GPC6: variants seen among roughly 807,000 people sequenced by gnomAD.
The protein encoded by GPC6 is glypican-6.
GPC6 carries 14 observed loss-of-function variants against 55.2 expected under a neutral mutation model. That is an observed-to-expected ratio of 0.25 (90% CI 0.17 to 0.40). GPC6 has a LOEUF of 0.40. Ranked by LOEUF, GPC6 falls within the 10% of genes least tolerant of loss-of-function variation. The pLI, the probability that GPC6 is intolerant of heterozygous loss-of-function variation, is 1.00. For synonymous variants in GPC6, 278 were observed against 259.6 expected (o/e 1.07, Z -0.68); for missense variants, 641 against 708.5 (o/e 0.90, Z 1.08).
intron 1 of GPC6, among the ~76,000 whole-genome samples, chr13:93,277,202 C>G (rs138195378): frequency 6.6e-6 from 1 of 152,236 alleles, no homozygotes; most frequent in Admixed American, 6.5e-5. Flanking sequence ...AAGGAATTTA[C>G]GAACACACCA....
intron 6 of GPC6, among the ~76,000 whole-genome samples, chr13:94,369,343 C>A (rs1051566621): frequency 6.6e-6 from 1 of 152,066 alleles, no homozygotes; most frequent in African/African-American, 2.4e-5. Context: ...CAGGAAAGAT[C>A]CAGAGGAAAT....
At chr13:93,940,107 T>G (rs2140362133) in intron 3 of GPC6, among the ~76,000 whole-genome samples, 1 of 152,328 alleles carries the variant, frequency 6.6e-6, no homozygotes, top group Non-Finnish European at 1.5e-5. Flanking sequence ...GAACCTTATT[T>G]TCTACCTTGC....
chr13:93,328,652 G>A (rs904200194), intron 1 of GPC6, among the ~76,000 whole-genome samples: 1 of 151,306 alleles, frequency 6.6e-6, no homozygotes, highest in African/African-American at 2.4e-5. Flanking sequence ...TCCAGCCTGG[G>A]TGAAACAGCA....
chr13:94,341,708 A>G (rs773374076), intron 6 of GPC6, among the ~76,000 whole-genome samples: 3 of 152,206 alleles, frequency 2.0e-5, no homozygotes, highest in Non-Finnish European at 2.9e-5. Flanking sequence ...TTAAAATTCA[A>G]AGGAAAATAT....
At chr13:94,060,809 A>C (rs1019327265) in intron 4 of GPC6, among the ~76,000 whole-genome samples, 2 of 152,190 alleles carry the variant, frequency 1.3e-5, no homozygotes, top group Non-Finnish European at 2.9e-5. Context: ...GGAGTGCATT[A>C]ATACCATACA....
At chr13:93,345,206 G>T (rs1456314151) in intron 1 of GPC6, among the ~76,000 whole-genome samples, 1 of 151,938 alleles carries the variant, frequency 6.6e-6, no homozygotes, top group Non-Finnish European at 1.5e-5. Flanking sequence ...TCTTCTACTT[G>T]TGTGACTTTA....
chr13:93,694,304 G>T (rs752893990), intron 2 of GPC6, among the ~76,000 whole-genome samples: 5 of 152,148 alleles, frequency 3.3e-5, no homozygotes, highest in Non-Finnish European at 7.4e-5. Flanking sequence ...TGCCTTCATA[G>T]ATTTGCTTGA....
chr13:94,361,110 AAC>A (rs1193258651), intron 6 of GPC6, among the ~76,000 whole-genome samples: 9 of 152,238 alleles, frequency 5.9e-5, no homozygotes, highest in Non-Finnish European at 7.3e-5. Context: ...GCTACCTTTC[AAC>A]ATTTTTTACA....
At chr13:93,232,259 T>C (rs1460085609) in intron 1 of GPC6, among the ~76,000 whole-genome samples, 2 of 152,194 alleles carry the variant, frequency 1.3e-5, no homozygotes, top group Non-Finnish European at 2.9e-5. Flanking sequence ...TCTTATTTCT[T>C]TGCCCCCTGT....
At chr13:93,505,705 A>G (rs996832484) in intron 1 of GPC6, among the ~76,000 whole-genome samples, 5 of 152,222 alleles carry the variant, frequency 3.3e-5, no homozygotes, top group Admixed American at 3.3e-4. Flanking sequence ...TAAATAGACC[A>G]TGAAAGGGGC....
chr13:93,755,157 C>G (rs1030317543), intron 2 of GPC6, among the ~76,000 whole-genome samples: 1 of 152,080 alleles, frequency 6.6e-6, no homozygotes, highest in African/African-American at 2.4e-5. Flanking sequence ...AATATTTTTG[C>G]CATTTGAAGA....
chr13:93,257,429 C>T (rs118064435), intron 1 of GPC6, among the ~76,000 whole-genome samples: 401 of 152,248 alleles, frequency 2.6e-3, no homozygotes, highest in Admixed American at 5.7e-3. Flanking sequence ...AGATGATTGG[C>T]CTTTCCATAT....
At chr13:94,060,757 G>A (rs1213643753) in intron 4 of GPC6, among the ~76,000 whole-genome samples, 5 of 152,128 alleles carry the variant, frequency 3.3e-5, no homozygotes, top group Non-Finnish European at 7.4e-5. Flanking sequence ...TAATATTAAA[G>A]CCTAATATTT....
In GPC6 at chr13:93,637,521, T is replaced by C. The variant is rs370980954; in HGVS notation, c.319+92100T>C. Among the ~76,000 whole-genome samples, 3 of 152,284 alleles carry C rather than the reference T, an allele frequency of 2.0e-5. No individual in the cohort carries two copies. The South Asian group carries it at 6.2e-4, about 32-fold the overall frequency. On this transcript the variant is annotated intron_variant, in intron 2 of 8. Transcript: ENST00000377047. ...TTTTATACTTCTTTGAAGGAAGATTTATCGTCTCAGGTTATGCATGTGAAA... is the reference window on the plus strand; with the variant it reads ...TTTTATACTTCTTTGAAGGAAGATTCATCGTCTCAGGTTATGCATGTGAAA...
chr13:94,003,055 G>T (rs183664672), intron 3 of GPC6, among the ~76,000 whole-genome samples: 1 of 152,202 alleles, frequency 6.6e-6, no homozygotes, highest in East Asian at 1.9e-4. Flanking sequence ...TGAATAATTC[G>T]CATCTAGCTG....
chr13:94,285,827 T>G (rs575668251), intron 4 of GPC6, among the ~76,000 whole-genome samples: 1 of 152,188 alleles, frequency 6.6e-6, no homozygotes, highest in Non-Finnish European at 1.5e-5. Flanking sequence ...GATGTTAAAG[T>G]GCAAATGCTG....
At chr13:93,486,852 G>A (rs1879730913) in intron 1 of GPC6, among the ~76,000 whole-genome samples, 1 of 151,750 alleles carries the variant, frequency 6.6e-6, no homozygotes, top group African/African-American at 2.4e-5. Context: ...GCCTGAGGCA[G>A]GAGAATAGCT....
At chr13:93,223,467 A>G (rs1223113154), upstream of GPC6, among the ~76,000 whole-genome samples, 5 of 151,978 alleles carry the variant, frequency 3.3e-5, no homozygotes, top group Non-Finnish European at 7.4e-5. Flanking sequence ...TTTTTGAGAC[A>G]GAGTCTCACT....
At position 93,357,570 on chromosome 13, in the gene GPC6, G is replaced by A. The variant is rs1330855303; in HGVS notation, c.160+129954G>A. Among the ~76,000 whole-genome samples the A allele has an allele frequency of 1.2e-4, 18 of 152,278 alleles. 1 individual carries two copies. The highest frequency in any genetic ancestry group is 1.9e-4 in the Non-Finnish European group (13 of 68,032). On this transcript the variant is annotated intron_variant, in intron 1 of 8. Coordinates refer to ENST00000377047, the MANE Select transcript of GPC6 (RefSeq NM_005708.5). The stretch of plus-strand genomic sequence containing the variant: ...TTTAAAAATGTAAATAATTGGCCGG[G>A]TATGGTGGCTCAAGCCTGTAATGTT...
Sources: gnomAD v4.1 joint callset for allele counts (sites outside exome capture counted in the v4.1 genomes callset) on GRCh38, gnomAD v4.1.1 for gene constraint, MANE v1.5 for transcripts, NCBI Gene and HGNC (gene_info 2026-07-23, HGNC 2026-07-21) for gene names.